Variants in DAPK1 observed in about 807,000 individuals in gnomAD.
DAPK1 encodes the protein death-associated protein kinase 1.
Under a neutral mutation model 144.9 loss-of-function variants are expected in DAPK1, and 56 were observed. That is an observed-to-expected ratio of 0.39 (90% CI 0.31 to 0.48). The LOEUF is 0.48. Among genes scored for constraint, DAPK1 ranks in the 20% least tolerant of loss-of-function variants. The probability of loss-of-function intolerance (pLI) is 0.95; values close to 1 mark genes in which losing one functional copy is unlikely to be tolerated. For synonymous variants in DAPK1, 690 were observed against 749.0 expected, an observed-to-expected ratio of 0.92 and a Z score of 1.29; for missense variants, 1,454 against 1,875.4, an observed-to-expected ratio of 0.78 and a Z score of 4.15.
intron 18 of DAPK1, among the ~76,000 whole-genome samples, chr9:87,662,518 C>T (rs1489302095): frequency 2.3e-5 from 3 of 133,036 alleles, no homozygotes; most frequent in Admixed American, 1.6e-4. Context: ...TTTTAGTTTG[C>T]CTTGTAGAGA....
intron 2 of DAPK1, among the ~76,000 whole-genome samples, chr9:87,559,014 A>G (rs2118634305): frequency 6.6e-6 from 1 of 152,214 alleles, no homozygotes; most frequent in Admixed American, 6.5e-5. Flanking sequence ...TCTGTAAGAA[A>G]TCACAGGTGC....
Position 87,706,804 on chromosome 9 carries a change from C to A in DAPK1, c.3733C>A (p.His1245Asn). 6.2e-7 allele frequency: 1 copy of A among 1,613,482 alleles called. No individual in the cohort carries two copies. The highest frequency in any genetic ancestry group is 1.1e-5 in the South Asian group (1 of 91,058). ...HYLSPQQLRE[H>N]HEPVMIYQPR... ...CCTGAGCCCCCAGCAGCTGCGGGAG[C>A]ACCATGAGCCCGTCATGATCTACCA... The change falls in exon 26 of 26, where the codon CAC (histidine) becomes AAC (asparagine). Residue 1245 changes from histidine (H) to asparagine (N), a missense_variant. Physicochemically the swap from His to Asn is moderately conservative, Grantham distance 68. Transcript: ENST00000408954. This position sits in a 1 kb window ranked among gnomAD's most constrained non-coding sequence, Gnocchi z 9.0.
chr9:87,508,840 T>A (rs1403217215), intron 2 of DAPK1, among the ~76,000 whole-genome samples: 4 of 152,192 alleles, frequency 2.6e-5, no homozygotes, highest in South Asian at 4.1e-4. Context: ...AGGACTGGGC[T>A]GCCTCAGAGA....
chr9:87,538,563 C>T (rs1825936394), intron 2 of DAPK1, among the ~76,000 whole-genome samples: 1 of 152,130 alleles, frequency 6.6e-6, no homozygotes, highest in Non-Finnish European at 1.5e-5. Flanking sequence ...GTTCATTTGT[C>T]TTTGAGACGG....
chr9:87,501,383 T>C (rs1824387211), intron 2 of DAPK1, among the ~76,000 whole-genome samples: 1 of 152,130 alleles, frequency 6.6e-6, no homozygotes, highest in Non-Finnish European at 1.5e-5. Context: ...TTATCTAAGA[T>C]TTAAGACTTT....
At chr9:87,630,056 A>C (rs1001626030) in intron 3 of DAPK1, among the ~76,000 whole-genome samples, 1 of 152,078 alleles carries the variant, frequency 6.6e-6, no homozygotes, top group Non-Finnish European at 1.5e-5. Flanking sequence ...ACAGCCCCCG[A>C]GCTGCTTCAG....
At chr9:87,564,541 C>G (rs1201053069) in intron 2 of DAPK1, among the ~76,000 whole-genome samples, 2 of 139,152 alleles carry the variant, frequency 1.4e-5, no homozygotes, top group Admixed American at 1.4e-4. Context: ...TATGGCCTTC[C>G]TACTGTGTTA....
intron 2 of DAPK1, among the ~76,000 whole-genome samples, chr9:87,551,746 G>A (rs572698016): frequency 2.6e-5 from 4 of 152,314 alleles, no homozygotes; most frequent in South Asian, 4.1e-4. Flanking sequence ...TCTCAGGGAA[G>A]TGCAGGTCCT....
chr9:87,683,162 A>C (rs1175151620), intron 20 of DAPK1, among the ~76,000 whole-genome samples: 1 of 147,438 alleles, frequency 6.8e-6, no homozygotes, highest in Non-Finnish European at 1.5e-5. Flanking sequence ...GGCTCACTGC[A>C]ACCTCCGCCT....
At chr9:87,645,855 G>A in intron 11 of DAPK1, 40 bp from the exon 12 acceptor site, 1 of 1,604,910 alleles carries the variant, frequency 6.2e-7, no homozygotes, top group South Asian at 1.1e-5. Context: ...AGCATGGCTA[G>A]CAATGTAACT....
At chr9:87,631,748 G>A (rs532514203) in intron 3 of DAPK1, among the ~76,000 whole-genome samples, 3 of 152,304 alleles carry the variant, frequency 2.0e-5, no homozygotes, top group African/African-American at 7.2e-5. Context: ...GTGAGCATTT[G>A]AGTTCTGGTT....
At chr9:87,630,200 G>A (rs1409318765) in intron 3 of DAPK1, among the ~76,000 whole-genome samples, 1 of 152,192 alleles carries the variant, frequency 6.6e-6, no homozygotes, top group Non-Finnish European at 1.5e-5. Context: ...CTAAGGTTCT[G>A]GGGAGATTTG....
intron 11 of DAPK1, among the ~76,000 whole-genome samples, chr9:87,644,854 T>C (rs1221698484): frequency 6.6e-6 from 1 of 152,230 alleles, no homozygotes; most frequent in Non-Finnish European, 1.5e-5. Context: ...GGATGAGTCA[T>C]AACAATCTGC....
intron 3 of DAPK1, among the ~76,000 whole-genome samples, chr9:87,626,781 G>A (rs1829508623): frequency 6.6e-6 from 1 of 152,216 alleles, no homozygotes. Context: ...ATAGCAATGG[G>A]TATTGCTGAG....
At chr9:87,694,830 T>C (rs1825199215) in intron 21 of DAPK1, among the ~76,000 whole-genome samples, 1 of 152,140 alleles carries the variant, frequency 6.6e-6, no homozygotes, top group Non-Finnish European at 1.5e-5. Context: ...TACGGGTGTT[T>C]GGAACATACA....
intron 18 of DAPK1, among the ~76,000 whole-genome samples, chr9:87,666,732 C>T (rs1031048697): frequency 6.6e-6 from 1 of 152,090 alleles, no homozygotes; most frequent in Non-Finnish European, 1.5e-5. Flanking sequence ...CCTCAGCCTC[C>T]CAAAATGCTA....
chr9:87,517,153 G>A (rs1825092816), intron 2 of DAPK1, among the ~76,000 whole-genome samples: 1 of 152,044 alleles, frequency 6.6e-6, no homozygotes, highest in South Asian at 2.1e-4. Context: ...TTGGGGGCAG[G>A]GGAGGACAGA....
chr9:87,664,429 C>T (rs987999096), intron 18 of DAPK1, among the ~76,000 whole-genome samples: 3 of 152,314 alleles, frequency 2.0e-5, no homozygotes, highest in South Asian at 2.1e-4. Flanking sequence ...TTGGAATGCC[C>T]GCTACGGGCA....
chr9:87,550,031 A>G (rs1458284023), intron 2 of DAPK1, among the ~76,000 whole-genome samples: 1 of 152,154 alleles, frequency 6.6e-6, no homozygotes, highest in Non-Finnish European at 1.5e-5. Flanking sequence ...TGTGTCGGGT[A>G]AAGTTTATAT....
Sources: allele counts gnomAD v4.1 joint callset (sites outside exome capture counted in the v4.1 genomes callset), GRCh38; gene constraint gnomAD v4.1.1; non-coding constraint Gnocchi (gnomAD v3.1); transcripts MANE v1.5; gene names NCBI Gene and HGNC (gene_info 2026-07-23, HGNC 2026-07-21).